ZNF354A: variants seen among roughly 807,000 people sequenced by gnomAD.
The protein encoded by ZNF354A is zinc finger protein 354A, also known as epididymis luminal protein 104.
ZNF354A carries 25 observed loss-of-function variants against 53.3 expected under a neutral mutation model. The observed-to-expected ratio is 0.47, with a 90% CI of 0.34 to 0.66. The LOEUF is 0.66. ZNF354A is among the 30% of genes least tolerant of loss of function. The pLI, the probability that ZNF354A is intolerant of heterozygous loss-of-function variation, is 0.01. For missense variants in ZNF354A, 586 were observed against 716.8 expected (o/e 0.82, Z 2.08); for synonymous variants, 228 against 249.0 (o/e 0.92, Z 0.79).
chr5:178,717,184 A>C (rs1765732826), intron 4 of ZNF354A, among the ~76,000 whole-genome samples: 1 of 152,104 alleles, frequency 6.6e-6, no homozygotes, highest in Admixed American at 6.6e-5. Flanking sequence ...ACTGGAATTT[A>C]AGCCTACGGG....
rs1132338 is a variant in ZNF354A at position 178,712,441 on chromosome 5, T to G, written c.1437A>C (p.Ser479=). The G allele has an allele frequency of 0.28, 454,703 of 1,603,016 alleles. 67,273 individuals carry two copies. The highest frequency in any genetic ancestry group is 0.4 in the South Asian group (36,191 of 90,994). ...KVCGKAFRQS[S]ALIQHQRMHT... ...GCATTCTCTGATGTTGAATGAGAGC[T>G]GAACTCTGTCTGAAGGCTTTTCCAC... is the stretch of plus-strand genomic sequence containing the variant. Residue 479 remains serine, a synonymous_variant, in exon 5 of 5, where the codon TCA becomes TCC. Transcript: ENST00000335815.
chr5:178,726,995 T>G lies in ZNF354A; in HGVS notation c.160+4A>C. 1 of 1,601,072 alleles carries G rather than the reference T, an allele frequency of 6.2e-7. No individual in the cohort carries two copies. The highest frequency in any genetic ancestry group is 8.5e-7 in the Non-Finnish European group (1 of 1,175,122). ...TTCTGTTTCTAGAGGGAAAATTTCC[T>G]TACCCAGTGAGACCAGGTTCCTATA... is the stretch of plus-strand genomic sequence containing the variant. On this transcript the variant is annotated splice_donor_region_variant and intron_variant, in intron 3 of 4. Coordinates refer to ENST00000335815, the MANE Select transcript of ZNF354A (RefSeq NM_005649.3).
chr5:178,730,523 C>A (rs938796603), intron 1 of ZNF354A, 33 bp downstream of exon 1: 1 of 152,080 alleles, frequency 6.6e-6, no homozygotes, highest in Non-Finnish European at 1.5e-5. Flanking sequence ...CGGGCGCCGC[C>A]TCCTACCGGC....
At chr5:178,727,965 C>T (rs113071097) in intron 2 of ZNF354A, among the ~76,000 whole-genome samples, 297 of 152,234 alleles carry the variant, frequency 2.0e-3, no homozygotes, top group African/African-American at 6.7e-3. Context: ...ATTCTCTTGC[C>T]TCGGCCTCCT....
chr5:178,712,813 T>A lies in ZNF354A; in HGVS notation c.1065A>T (p.Leu355Phe), dbSNP rs749600226. Reference sequence around the variant, plus strand: ...TAAAGGTGTTGCCACATTCATTACATAAGTAGGACTTCTTTCTAGAATGAA... The same window carrying A: ...TAAAGGTGTTGCCACATTCATTACAAAAGTAGGACTTCTTTCTAGAATGAA... Reference protein sequence around the residue: ...QRIHSRKKSYLCNECGNTFKS... With the variant: ...QRIHSRKKSYFCNECGNTFKS... The change falls in exon 5 of 5, where the codon TTA (leucine) becomes TTT (phenylalanine). Residue 355 changes from leucine to phenylalanine, a missense_variant. This residue lies in a region of ZNF354A where 573 missense variants were observed against 680.1 expected (regional missense o/e 0.84). Transcript: ENST00000335815. 5.0e-6 allele frequency: 8 copies of A among 1,614,068 alleles called. No homozygotes were observed. In the South Asian group the frequency reaches 8.8e-5, roughly 18 times the overall value.
Position 178,712,782 on chromosome 5 carries a change from T to C in ZNF354A, c.1096A>G (p.Ser366Gly). 6.2e-7 allele frequency: 1 copy of C among 1,614,132 alleles called. No homozygotes were observed. Among genetic ancestry groups the C allele is most frequent in the East Asian group, 2.2e-5 (1 of 44,862 alleles). The change falls in exon 5 of 5, where the codon AGC becomes GGC. Residue 366 changes from serine to glycine, a missense_variant. Transcript: ENST00000335815. Reference protein sequence around the residue: ...CNECGNTFKSSSSLRYHQRIH... With the variant: ...CNECGNTFKSGSSLRYHQRIH... ...CTCTGATGATAACGAAGGGATGAGC[T>C]AGACTTAAAGGTGTTGCCACATTCA...
chr5:178,722,120 C>T (rs1765824256), intron 4 of ZNF354A, among the ~76,000 whole-genome samples: 1 of 152,146 alleles, frequency 6.6e-6, no homozygotes, highest in South Asian at 2.1e-4. Flanking sequence ...CCTATGGGTT[C>T]ATTTCTCTCT....
Position 178,713,329 on chromosome 5 carries a change from T to G in ZNF354A, c.549A>C (p.Glu183Asp). 1 of 1,614,164 alleles carries G rather than the reference T, an allele frequency of 6.2e-7. No individual in the cohort carries two copies. Among genetic ancestry groups the G allele is most frequent in the Non-Finnish European group, 8.5e-7 (1 of 1,180,018 alleles). The change falls in exon 5 of 5, where the codon GAA becomes GAC. Residue 183 changes from glutamate (E) to aspartate (D), a missense_variant. Glu to Asp is a conservative substitution (Grantham distance 45). This residue lies in a region of ZNF354A where 573 missense variants were observed against 680.1 expected (regional missense o/e 0.84). Transcript: ENST00000335815. ...VLIRQQILPR[E>D]KTPPKCEIQG... The stretch of plus-strand genomic sequence containing the variant: ...GTATTTCACATTTTGGTGGTGTTTT[T>G]TCTCTGGGAAGTATCTGTTGCCTAA...
At chr5:178,715,627 C>T (rs59259518) in intron 4 of ZNF354A, among the ~76,000 whole-genome samples, 35,795 of 151,954 alleles carry the variant, frequency 0.24, 4,916 homozygotes, top group South Asian at 0.39. Flanking sequence ...CTGTGAATAT[C>T]GGTCGTTGTT....
intron 1 of ZNF354A, among the ~76,000 whole-genome samples, chr5:178,729,796 C>T (rs537567113): frequency 3.3e-5 from 5 of 152,074 alleles, no homozygotes; most frequent in Admixed American, 2.0e-4. Flanking sequence ...ATCTGCCCGC[C>T]TTGGCATCCC....
Position 178,712,446 on chromosome 5 carries a change from T to G in ZNF354A, c.1432A>C (p.Ser478Arg), listed in dbSNP as rs751703891. The change falls in exon 5 of 5, where the codon AGT becomes CGT. Residue 478 changes from serine (S) to arginine (R), a missense_variant. Physicochemically the swap from Ser to Arg is moderately radical, Grantham distance 110 (BLOSUM62 -1). Transcript: ENST00000335815. ...CTCTGATGTTGAATGAGAGCTGAAC[T>G]CTGTCTGAAGGCTTTTCCACATACT... ...CKVCGKAFRQ[S>R]SALIQHQRMH... 3 of 1,614,002 alleles carry G rather than the reference T, an allele frequency of 1.9e-6. No homozygotes were observed. In the East Asian group the frequency reaches 6.7e-5, roughly 36 times the overall value.
intron 4 of ZNF354A, among the ~76,000 whole-genome samples, chr5:178,721,468 T>A (rs4421122): frequency 6.6e-5 from 10 of 152,322 alleles, no homozygotes; most frequent in Middle Eastern, 3.4e-3. Flanking sequence ...AAACATTATG[T>A]GCTCCATGAC....
intron 4 of ZNF354A, among the ~76,000 whole-genome samples, chr5:178,714,055 C>T (rs1267271061): frequency 2.0e-5 from 3 of 151,248 alleles, no homozygotes; most frequent in Middle Eastern, 3.2e-3. Context: ...CGCCCAGGCT[C>T]GAGTGCAGTG....
chr5:178,729,576 A>T (rs1309960683), intron 1 of ZNF354A, among the ~76,000 whole-genome samples: 7 of 149,620 alleles, frequency 4.7e-5, no homozygotes, highest in African/African-American at 1.7e-4. Flanking sequence ...TTTGAGGCGG[A>T]GTCTCGCTCT....
chr5:178,727,173 C>T (rs56185007), intron 2 of ZNF354A, 48 bp from the exon 3 acceptor site: 415,002 of 1,517,630 alleles, frequency 0.27, 61,755 homozygotes, highest in South Asian at 0.33. Flanking sequence ...CCTCACAGAG[C>T]AGAGGGGGCG....
chr5:178,723,883 T>C (rs1331548298), intron 4 of ZNF354A, among the ~76,000 whole-genome samples: 1 of 151,818 alleles, frequency 6.6e-6, no homozygotes, highest in African/African-American at 2.4e-5. Context: ...CTCTGTCAGA[T>C]TCCTCCTGCT....
Position 178,724,261 on chromosome 5 carries a change from G to C in ZNF354A, c.256+1115C>G, listed in dbSNP as rs1346766168. ...TTTTTTTAAGACAGAGTCTCACTCT[G>C]TCGCCAAGGCTGGAGTGAAGTGGCG... On this transcript the variant is annotated intron_variant, in intron 4 of 4. Coordinates refer to ENST00000335815, the MANE Select transcript of ZNF354A (RefSeq NM_005649.3). Among the ~76,000 whole-genome samples, 12 of 148,972 alleles carry C rather than the reference G, an allele frequency of 8.1e-5. 1 individual carries two copies. Among genetic ancestry groups the C allele is most frequent in the South Asian group, 4.2e-4 (2 of 4,718 alleles).
Position 178,712,861 on chromosome 5 carries a change from T to C in ZNF354A, c.1017A>G (p.Thr339=). The C allele has an allele frequency of 6.8e-6, 11 of 1,614,180 alleles. No individual in the cohort carries two copies. Among genetic ancestry groups the C allele is most frequent in the Non-Finnish European group, 9.3e-6 (11 of 1,180,036 alleles). Residue 339 remains threonine (T), a synonymous_variant, in exon 5 of 5, where the codon ACA becomes ACG. Transcript: ENST00000335815. ...GAATTCTTTGACATCCAGAAAGGGA[T>C]GTGCTGCAACTAGATGCCTTCCTAC... ...NPGRKASSCS[T]SLSGCQRIHS...
chr5:178,721,817 A>G (rs916169680), intron 4 of ZNF354A, among the ~76,000 whole-genome samples: 13 of 152,188 alleles, frequency 8.5e-5, no homozygotes, highest in African/African-American at 3.1e-4. Flanking sequence ...CAGATGCCTC[A>G]AAGTCAACAC....
Sources: allele counts gnomAD v4.1 joint callset (sites outside exome capture counted in the v4.1 genomes callset), GRCh38; gene constraint gnomAD v4.1.1; regional missense constraint gnomAD v4.1.1; transcripts MANE v1.5; gene names NCBI Gene and HGNC (gene_info 2026-07-23, HGNC 2026-07-21).